Variants in FANCB observed in about 807,000 individuals in gnomAD.
FANCB encodes Fanconi anemia group B protein.
FANCB carries 5 observed loss-of-function variants against 38.9 expected under a neutral mutation model. The ratio of observed to expected loss-of-function variants is 0.13; its 90% CI spans 0.07 to 0.27. The LOEUF (loss-of-function observed/expected upper bound fraction) is 0.27. Ranked by LOEUF, FANCB falls within the 10% of genes least tolerant of loss-of-function variation. The pLI is 1.00. For synonymous variants in FANCB, 236 were observed against 215.4 expected (o/e 1.10, Z -0.84); for missense variants, 573 against 602.7 (o/e 0.95, Z 0.52).
At position 14,859,182 on chromosome X, in the gene FANCB, C is replaced by T. The variant is rs761873562; in HGVS notation, c.1104G>A (p.Ser368=). The T allele has an allele frequency of 9.4e-6, 11 of 1,166,702 alleles. No homozygotes were observed. In the Admixed American group the frequency reaches 1.3e-4, roughly 14 times the overall value. The part of the protein sequence containing the change: ...KITDLGKINY[S]SEPSDCNEDD... The stretch of plus-strand genomic sequence containing the variant: ...CATATAATAAGTAAATAGAACTTAC[C>T]GAATAGTTTATTTTTCCAAGATCCG... The change falls in exon 4 of 10, where the codon TCG becomes TCA. Residue 368 remains serine (S), a splice_region_variant and synonymous_variant. Transcript: ENST00000650831.
At chrX:14,741,608 TG>T in the FANCB span, among the ~76,000 whole-genome samples, 1 of 111,976 alleles carries the variant, frequency 8.9e-6, no homozygotes, top group African/African-American at 3.2e-5. Context: ...ATCACTGTTT[TG>T]TCATCTGAAT....
At chrX:14,741,459 T>C in the FANCB span, among the ~76,000 whole-genome samples, 1 of 111,422 alleles carries the variant, frequency 9.0e-6, no homozygotes, top group African/African-American at 3.3e-5. Context: ...CTCCTTACCC[T>C]CACTATGTAC....
the FANCB span, among the ~76,000 whole-genome samples, chrX:14,708,608 A>G: frequency 1.8e-5 from 2 of 111,689 alleles, no homozygotes; most frequent in African/African-American, 6.5e-5. Flanking sequence ...TGGACACAAC[A>G]TCTGCCCAAT....
chrX:14,755,209 T>C, the FANCB span, among the ~76,000 whole-genome samples: 11 of 111,517 alleles, frequency 9.9e-5, no homozygotes, highest in African/African-American at 3.6e-4. Flanking sequence ...AAATGGGAAA[T>C]AGTTGAAAGC....
chrX:14,861,691 A>G (rs1267866025), intron 3 of FANCB, among the ~76,000 whole-genome samples: 1 of 111,982 alleles, frequency 8.9e-6, no homozygotes, highest in East Asian at 2.8e-4. Flanking sequence ...TGTTCCCTTC[A>G]GTTGTAAAAC....
chrX:14,752,569 C>A, the FANCB span, among the ~76,000 whole-genome samples: 14 of 111,877 alleles, frequency 1.3e-4, no homozygotes, highest in South Asian at 3.7e-4. Context: ...CTTTCCCTAC[C>A]CCATACCTTT....
At chrX:14,762,694 G>A in the FANCB span, among the ~76,000 whole-genome samples, 1 of 111,800 alleles carries the variant, frequency 8.9e-6, no homozygotes. Context: ...GCTGATCCAG[G>A]AAAAGACAAC....
At chrX:14,716,285 GGAAATTGAAGAACAAAAA>G in the FANCB span, among the ~76,000 whole-genome samples, 1 of 111,231 alleles carries the variant, frequency 9.0e-6, no homozygotes, top group Non-Finnish European at 1.9e-5. Context: ...TTAAAGATGA[GGAAATTGAAGAACAAAAA>G]AAAATTGAGG....
At chrX:14,866,332 C>T (rs201871487) in intron 2 of FANCB, among the ~76,000 whole-genome samples, 1 of 111,961 alleles carries the variant, frequency 8.9e-6, no homozygotes, top group East Asian at 2.8e-4. Context: ...ATCATTCAAG[C>T]TTATTATATG....
At chrX:14,724,626 C>CAAAAAAAAAAAAA in the FANCB span, among the ~76,000 whole-genome samples, 80 of 49,573 alleles carry the variant, frequency 1.6e-3, no homozygotes, top group East Asian at 5.8e-3. Flanking sequence ...AACTCTGTCT[C>CAAAAAAAAAAAAA]AAAAAAAAAA....
chrX:14,717,969 C>G, the FANCB span, among the ~76,000 whole-genome samples: 2 of 110,883 alleles, frequency 1.8e-5, no homozygotes, highest in Non-Finnish European at 3.8e-5. Context: ...AATGGTACCC[C>G]TGAGAATGTC....
chrX:14,818,893 C>T, the FANCB span, among the ~76,000 whole-genome samples: 1 of 111,953 alleles, frequency 8.9e-6, no homozygotes, highest in Non-Finnish European at 1.9e-5. Flanking sequence ...AGCACTTGAT[C>T]TGAACTTAGA....
In FANCB at chrX:14,843,505, G is replaced by A. The variant is rs2147386011; in HGVS notation, c.*62C>T. On this transcript the variant is annotated 3_prime_UTR_variant, in exon 10 of 10. Transcript: ENST00000650831. ...TTACAAAGGAGGCATATAGCAAGTA[G>A]AACCAAAATCTTATATGGTGGTGAA... is the stretch of plus-strand genomic sequence containing the variant. 1 of 890,311 alleles carries A rather than the reference G, an allele frequency of 1.1e-6. No homozygotes were observed. Among genetic ancestry groups the A allele is most frequent in the East Asian group, 3.4e-5 (1 of 29,848 alleles). 73.4% of individuals were successfully genotyped at this position (890,311 alleles called of 1,213,427 possible).
At chrX:14,703,864 CTTTA>C in the FANCB span, among the ~76,000 whole-genome samples, 1 of 111,911 alleles carries the variant, frequency 8.9e-6, no homozygotes, top group Admixed American at 9.5e-5. Flanking sequence ...TTCACACATC[CTTTA>C]TTGACTTTTC....
the FANCB span, among the ~76,000 whole-genome samples, chrX:14,763,060 A>G: frequency 8.9e-6 from 1 of 111,806 alleles, no homozygotes; most frequent in Non-Finnish European, 1.9e-5. Flanking sequence ...AGAGTGATCT[A>G]AACTGAGCTT....
rs775216604 is a variant in FANCB at position 14,865,001 on chromosome X, A to C, written c.510T>G (p.Ile170Met). 54 of 1,209,182 alleles carry C rather than the reference A, an allele frequency of 4.5e-5. No homozygotes were observed. The highest frequency in any genetic ancestry group is 5.6e-5 in the Non-Finnish European group (50 of 894,789). Residue 170 changes from isoleucine to methionine, a missense_variant, in exon 3 of 10, where the codon ATT (isoleucine) becomes ATG (methionine). By Grantham distance (10) the Ile-to-Met change is conservative. Coordinates refer to ENST00000650831, the MANE Select transcript of FANCB (RefSeq NM_001018113.3). ...VVSVSGNFSS[I>M]QWAGEIENLG... is the part of the protein sequence containing the mutation. ...AATTTTCAATCTCCCCTGCCCACTGAATAGAGGAAAAGTTACCTGACACAC... is the reference window on the plus strand; with the variant it reads ...AATTTTCAATCTCCCCTGCCCACTGCATAGAGGAAAAGTTACCTGACACAC...
the FANCB span, among the ~76,000 whole-genome samples, chrX:14,812,373 G>A: frequency 9.0e-6 from 1 of 110,729 alleles, no homozygotes; most frequent in African/African-American, 3.3e-5. Flanking sequence ...AATGAATCCA[G>A]GAGCTGGTTT....
At chrX:14,730,891 T>TACACACACACACAC in the FANCB span, 7 of 97,401 alleles carry the variant, frequency 7.2e-5, no homozygotes, top group African/African-American at 2.3e-4. Flanking sequence ...AAGTTAGCTA[T>TACACACACACACAC]ACACACACAC....
At position 14,853,131 on chromosome X, in the gene FANCB, G is replaced by A. The variant is rs765480337; in HGVS notation, c.1234C>T (p.Leu412=). ...GAAATAATTTTTTCCTTAAGCAACA[G>A]ATGCTGCCGTAATTCCCGAAAAGAA... ...FSSFRELRQH[L]LLKEKIISKS... is the part of the protein sequence containing the mutation. The change falls in exon 6 of 10, where the codon CTG becomes TTG. Residue 412 remains leucine, a synonymous_variant. Coordinates refer to ENST00000650831, the MANE Select transcript of FANCB (RefSeq NM_001018113.3). 5 of 1,203,157 alleles carry A rather than the reference G, an allele frequency of 4.2e-6. No individual in the cohort carries two copies. In the South Asian group the frequency reaches 8.9e-5, roughly 21 times the overall value.
Sources: allele counts gnomAD v4.1 joint callset (sites outside exome capture counted in the v4.1 genomes callset), GRCh38; gene constraint gnomAD v4.1.1; transcripts MANE v1.5; gene names NCBI Gene and HGNC (gene_info 2026-07-23, HGNC 2026-07-21).